The following BAZ1B variants were observed in gnomAD, a reference collection of about 807,000 sequenced individuals.
BAZ1B encodes the protein tyrosine-protein kinase BAZ1B.
Under a neutral mutation model 153.8 loss-of-function variants are expected in BAZ1B, and 22 were observed. The observed-to-expected ratio is 0.14, with a 90% CI of 0.10 to 0.20. The LOEUF (loss-of-function observed/expected upper bound fraction) is 0.20. BAZ1B is among the 10% of genes least tolerant of loss of function. The probability of loss-of-function intolerance (pLI) is 1.00; values close to 1 mark genes in which losing one functional copy is unlikely to be tolerated. For synonymous variants in BAZ1B, 676 were observed against 633.4 expected (o/e 1.07, Z -1.01); for missense variants, 1,325 against 1,799.3 (o/e 0.74, Z 4.77).
chr7:73,509,138 A>G (rs1414243321), intron 2 of BAZ1B, among the ~76,000 whole-genome samples: 1 of 152,074 alleles, frequency 6.6e-6, no homozygotes, highest in African/African-American at 2.4e-5. Context: ...CCTGGCCAAC[A>G]TGGCGAAACC....
chr7:73,513,603 ATT>A (rs2115586502), intron 1 of BAZ1B, among the ~76,000 whole-genome samples: 1 of 152,322 alleles, frequency 6.6e-6, no homozygotes, highest in Non-Finnish European at 1.5e-5. Context: ...CCCAAGACGG[ATT>A]TGTCTTATTT....
intron 6 of BAZ1B, among the ~76,000 whole-genome samples, chr7:73,483,683 A>C (rs1789285489): frequency 6.6e-6 from 1 of 151,774 alleles, no homozygotes. Flanking sequence ...TGTCTGTCAC[A>C]CAGGCTGGAG....
intron 9 of BAZ1B, among the ~76,000 whole-genome samples, chr7:73,467,096 C>T (rs554687616): frequency 6.6e-6 from 1 of 152,138 alleles, no homozygotes; most frequent in East Asian, 1.9e-4. Flanking sequence ...ACACACCTGG[C>T]TAATTTTTCT....
chr7:73,477,506 T>A lies in BAZ1B; in HGVS notation c.1955A>T (p.Asn652Ile). The change falls in exon 7 of 20, where the codon AAC becomes ATC. Residue 652 changes from asparagine to isoleucine, a missense_variant. By Grantham distance (149) the Asn-to-Ile change is moderately radical (BLOSUM62 -3). Transcript: ENST00000339594. This position sits in a 1 kb window ranked among gnomAD's most constrained non-coding sequence, Gnocchi z 5.6. ...CTGTAAGAGGATGACCAACACCCTG[T>A]TAAGGTATAAAAAGCCACCCTTATC... ...SADKGGFLYL[N>I]RVLVILLQTL... 1 of 1,614,186 alleles carries A rather than the reference T, an allele frequency of 6.2e-7. No individual in the cohort carries two copies.
At position 73,442,552 on chromosome 7, in the gene BAZ1B, C is replaced by T. The variant is rs1258456565; in HGVS notation, c.4096G>A (p.Glu1366Lys). ...VKYRFSWPFR[E>K]PVTRDEAEDY... Reference sequence around the variant, plus strand: ...TCGGCCTCATCTCTGGTCACAGGCTCCCTGTGGAGAAGAACCAAATGGAGA... The same window carrying T: ...TCGGCCTCATCTCTGGTCACAGGCTTCCTGTGGAGAAGAACCAAATGGAGA... The change falls in exon 19 of 20, where the codon GAG (glutamate) becomes AAG (lysine). Residue 1366 changes from glutamate to lysine, a missense_variant and splice_region_variant. Transcript: ENST00000339594. The T allele has an allele frequency of 2.5e-6, 4 of 1,605,980 alleles. No individual in the cohort carries two copies. The highest frequency in any genetic ancestry group is 2.6e-6 in the Non-Finnish European group (3 of 1,174,740).
intron 1 of BAZ1B, among the ~76,000 whole-genome samples, chr7:73,515,406 T>C (rs547815961): frequency 6.6e-6 from 1 of 152,278 alleles, no homozygotes; most frequent in Admixed American, 6.5e-5. Flanking sequence ...TGTGAGCAGA[T>C]GTAATATATG....
chr7:73,452,423 G>A (rs181686218), intron 13 of BAZ1B, among the ~76,000 whole-genome samples: 1 of 152,234 alleles, frequency 6.6e-6, no homozygotes, highest in Admixed American at 6.5e-5. Flanking sequence ...TCACAATGGT[G>A]CAAAAGTGAT....
At chr7:73,472,223 A>G (rs1158170969) in intron 7 of BAZ1B, among the ~76,000 whole-genome samples, 4 of 152,126 alleles carry the variant, frequency 2.6e-5, no homozygotes, top group Non-Finnish European at 5.9e-5. Flanking sequence ...GTTTTAACCT[A>G]CATTCTGCTT....
chr7:73,455,254 C>G (rs903120315), intron 13 of BAZ1B, among the ~76,000 whole-genome samples: 4 of 151,868 alleles, frequency 2.6e-5, no homozygotes, highest in African/African-American at 7.3e-5. Flanking sequence ...ACAAGCAGGG[C>G]TTTACCAGAT....
chr7:73,488,510 T>A (rs1430811805), intron 6 of BAZ1B, among the ~76,000 whole-genome samples: 2 of 151,994 alleles, frequency 1.3e-5, no homozygotes, highest in African/African-American at 4.8e-5. Context: ...GGCAGGCGGA[T>A]CACTTGAGGT....
chr7:73,475,715 A>G (rs1419376682), intron 7 of BAZ1B, among the ~76,000 whole-genome samples: 2 of 152,102 alleles, frequency 1.3e-5, no homozygotes, highest in Admixed American at 6.5e-5. Context: ...CGGGTGGATC[A>G]GGAGTTCGAA....
At chr7:73,518,344 C>T (rs1465711512) in intron 1 of BAZ1B, among the ~76,000 whole-genome samples, 2 of 151,410 alleles carry the variant, frequency 1.3e-5, no homozygotes, top group African/African-American at 2.4e-5. Flanking sequence ...ACCCGGGAGG[C>T]GGAGCTTGCA....
intron 1 of BAZ1B, among the ~76,000 whole-genome samples, chr7:73,511,933 A>C (rs1790595836): frequency 6.9e-6 from 1 of 144,912 alleles, no homozygotes; most frequent in South Asian, 2.3e-4. Context: ...CAGGAGGCTG[A>C]GGCAGGAGAA....
intron 12 of BAZ1B, 73 bp from the exon 13 acceptor site, chr7:73,459,791 C>T: frequency 7.5e-7 from 1 of 1,338,692 alleles, no homozygotes; most frequent in Non-Finnish European, 1.0e-6. Context: ...ACCTCAAATT[C>T]AAATAAATCT....
intron 4 of BAZ1B, among the ~76,000 whole-genome samples, chr7:73,494,493 C>A (rs1250175593): frequency 6.6e-6 from 1 of 152,104 alleles, no homozygotes; most frequent in African/African-American, 2.4e-5. Flanking sequence ...ACAGGTAATC[C>A]CAGAACTCTG....
chr7:73,501,539 AG>A (rs1405769062), intron 3 of BAZ1B, among the ~76,000 whole-genome samples: 11 of 152,048 alleles, frequency 7.2e-5, no homozygotes, highest in African/African-American at 2.7e-4. Flanking sequence ...ACTGGCATCT[AG>A]TGGATAGAGG....
rs1320552803 is a variant in BAZ1B at position 73,508,323 on chromosome 7, T to C, written c.369+4A>G. On this transcript the variant is annotated splice_donor_region_variant and intron_variant, in intron 3 of 19. Coordinates refer to ENST00000339594, the MANE Select transcript of BAZ1B (RefSeq NM_032408.4). Reference sequence around the variant, plus strand: ...AGTCAAATCAGAAACGAACAGGCACTCACCTCGAAGTCACACTCTTCTCCC... The same window carrying C: ...AGTCAAATCAGAAACGAACAGGCACCCACCTCGAAGTCACACTCTTCTCCC... 3.7e-6 allele frequency: 6 copies of C among 1,612,426 alleles called. No individual in the cohort carries two copies. Among genetic ancestry groups the C allele is most frequent in the Non-Finnish European group, 5.1e-6 (6 of 1,179,336 alleles).
At chr7:73,484,016 C>G (rs983780457) in intron 6 of BAZ1B, among the ~76,000 whole-genome samples, 10 of 152,078 alleles carry the variant, frequency 6.6e-5, no homozygotes, top group African/African-American at 2.4e-4. Flanking sequence ...GCCTGTAATC[C>G]CAGCACTTTG....
intron 17 of BAZ1B, among the ~76,000 whole-genome samples, chr7:73,443,511 A>C (rs534671810): frequency 7.2e-6 from 1 of 139,500 alleles, no homozygotes; most frequent in East Asian, 2.2e-4. Context: ...TGTCAAAACA[A>C]GCACCTTTTC....
Sources: allele counts gnomAD v4.1 joint callset (sites outside exome capture counted in the v4.1 genomes callset), GRCh38; gene constraint gnomAD v4.1.1; non-coding constraint Gnocchi (gnomAD v3.1); transcripts MANE v1.5; gene names NCBI Gene and HGNC (gene_info 2026-07-23, HGNC 2026-07-21).